ZNF384: variants seen among roughly 807,000 people sequenced by gnomAD.
ZNF384 encodes CAG repeat protein 1.
In ZNF384, 20 loss-of-function variants were observed where a neutral mutation model predicts 65.0. That is an observed-to-expected ratio of 0.31 (90% CI 0.22 to 0.45). The LOEUF (loss-of-function observed/expected upper bound fraction) is 0.45, where lower values mean the gene tolerates loss of function less well. ZNF384 is among the 20% of genes least tolerant of loss of function. The pLI is 1.00. For synonymous variants in ZNF384, 310 were observed against 303.9 expected (o/e 1.02, Z -0.21); for missense variants, 549 against 769.4 (o/e 0.71, Z 3.39).
rs181645911 is a variant in ZNF384 at position 6,688,552 on chromosome 12, G to A, written c.-65-326C>T. The A allele has an allele frequency of 1.4e-3, 212 of 152,748 alleles. 1 individual carries two copies. The highest frequency in any genetic ancestry group is 3.1e-3 in the Admixed American group (48 of 15,306). 9.5% of individuals were successfully genotyped at this position (152,748 alleles called of 1,614,324 possible). On this transcript the variant is annotated intron_variant, in intron 1 of 11. Coordinates refer to ENST00000683879, the MANE Select transcript of ZNF384 (RefSeq NM_001385745.1). Reference sequence around the variant, plus strand: ...GAGAACATTAGAGATGGAGGAGGAGGAGGGTCTGTGCCCCTGAGGAGTGGC... The same window carrying A: ...GAGAACATTAGAGATGGAGGAGGAGAAGGGTCTGTGCCCCTGAGGAGTGGC...
chr12:6,686,192 G>T (rs1957851986), intron 2 of ZNF384, among the ~76,000 whole-genome samples: 1 of 152,122 alleles, frequency 6.6e-6, no homozygotes, highest in African/African-American at 2.4e-5. Flanking sequence ...CCAACCCTTA[G>T]AAAACCATGA....
rs774061942 is a variant in ZNF384 at position 6,667,829 on chromosome 12, G to A, written c.1712C>T (p.Pro571Leu). The A allele has an allele frequency of 1.2e-6, 2 of 1,614,218 alleles. No individual in the cohort carries two copies. The highest frequency in any genetic ancestry group is 1.1e-5 in the South Asian group (1 of 91,086). The change falls in exon 12 of 12, where the codon CCT (proline) becomes CTT (leucine). Residue 571 changes from proline to leucine, a missense_variant. By Grantham distance (98) the Pro-to-Leu change is moderately conservative (BLOSUM62 -3). Coordinates refer to ENST00000683879, the MANE Select transcript of ZNF384 (RefSeq NM_001385745.1). Reference sequence around the variant, plus strand: ...CAGGTCAAAGGAACACTGGGGTGGAGGGTTGGGATTGCTGTCCCCACCACC... The same window carrying A: ...CAGGTCAAAGGAACACTGGGGTGGAAGGTTGGGATTGCTGTCCCCACCACC... ...GGGGGDSNPNPPPQCSFDLTP... is the reference protein window; with the variant it reads ...GGGGGDSNPNLPPQCSFDLTP...
At position 6,679,064 on chromosome 12, in the gene ZNF384, G is replaced by A. The variant is rs750347644; in HGVS notation, c.186C>T (p.Pro62=). ...LLTVPASVSL[P]SGISMDTESK... The stretch of plus-strand genomic sequence containing the variant: ...ACTCTGTGTCCATACTGATGCCTGA[G>A]GGCAGGGACACTGAGGCAGGCACTG... The change falls in exon 4 of 12, where the codon CCC becomes CCT. Residue 62 remains proline, a synonymous_variant. Coordinates refer to ENST00000683879, the MANE Select transcript of ZNF384 (RefSeq NM_001385745.1). 5.6e-6 allele frequency: 9 copies of A among 1,614,034 alleles called. No individual in the cohort carries two copies.
In ZNF384 at chr12:6,667,398, T is replaced by C; in HGVS notation, c.*316A>G. The C allele has an allele frequency of 2.0e-6, 1 of 498,374 alleles. No homozygotes were observed. The highest frequency in any genetic ancestry group is 3.7e-6 in the Non-Finnish European group (1 of 272,646). 30.9% of individuals were successfully genotyped at this position (498,374 alleles called of 1,614,324 possible). A position where few individuals can be genotyped will look rare whatever the true frequency, so the allele number is the denominator to read the frequency against. ...GTAAGGATAGGGTAAGTGGCCACAC[T>C]GGACAAGGTTCTATGAGGTCATAGC... On this transcript the variant is annotated 3_prime_UTR_variant, in exon 12 of 12. Transcript: ENST00000683879.
rs1308336410 is a variant in ZNF384 at position 6,667,504 on chromosome 12, A to G, written c.*210T>C. 1.4e-6 allele frequency: 1 copy of G among 706,566 alleles called. No individual in the cohort carries two copies. The highest frequency in any genetic ancestry group is 2.2e-5 in the Admixed American group (1 of 45,314). The allele number at this position is 706,566 out of a possible 1,614,324, so 43.8% of individuals were successfully genotyped here. A position where few individuals can be genotyped will look rare whatever the true frequency, so the allele number is the denominator to read the frequency against. On this transcript the variant is annotated 3_prime_UTR_variant, in exon 12 of 12. Coordinates refer to ENST00000683879, the MANE Select transcript of ZNF384 (RefSeq NM_001385745.1). ...GGCTGCTGGATGACACCATCAGCTCAGTATTCCTTTGCAATCAGGAGGGCT... is the reference window on the plus strand; with the variant it reads ...GGCTGCTGGATGACACCATCAGCTCGGTATTCCTTTGCAATCAGGAGGGCT...
chr12:6,680,277 A>G (rs547366645), intron 2 of ZNF384, among the ~76,000 whole-genome samples: 1 of 152,272 alleles, frequency 6.6e-6, no homozygotes, highest in African/African-American at 2.4e-5. Context: ...TAAAAATTTC[A>G]AGAGTTCCAA....
chr12:6,675,997 C>A (rs1050322063), intron 7 of ZNF384, among the ~76,000 whole-genome samples: 2 of 152,118 alleles, frequency 1.3e-5, no homozygotes, highest in African/African-American at 4.8e-5. Flanking sequence ...CAGAAATTCA[C>A]TGTGATAAAA....
intron 2 of ZNF384, among the ~76,000 whole-genome samples, chr12:6,685,034 A>C (rs1044162401): frequency 4.6e-5 from 7 of 152,230 alleles, no homozygotes; most frequent in African/African-American, 1.4e-4. Flanking sequence ...CTACACAGAG[A>C]GTGCCAATTT....
intron 11 of ZNF384, 52 bp from the exon 12 acceptor site, chr12:6,668,167 T>C (rs1487232019): frequency 6.7e-7 from 1 of 1,494,772 alleles, no homozygotes; most frequent in African/African-American, 1.4e-5. Flanking sequence ...GGAAAAGAGA[T>C]TACTTGTAAC....
At chr12:6,671,283 GAA>G (rs2136517621) in intron 9 of ZNF384, 1 of 165,616 alleles carries the variant, frequency 6.0e-6, no homozygotes, top group East Asian at 1.8e-4. Context: ...TGGTAACAAA[GAA>G]AAGCAGTTAC....
chr12:6,683,296 A>T lies in ZNF384; in HGVS notation c.-5-3771T>A, dbSNP rs367749358. On this transcript the variant is annotated intron_variant, in intron 2 of 11. Transcript: ENST00000683879. The stretch of plus-strand genomic sequence containing the variant: ...ACAGAGCAAGACTGTCTCAAAAAAA[A>T]AATAAAATAAAATAAAAAAGATTAA... Among the ~76,000 whole-genome samples the T allele has an allele frequency of 1.3e-4, 20 of 152,058 alleles. No homozygotes were observed. In the East Asian group the frequency reaches 3.9e-3, roughly 29 times the overall value.
At chr12:6,681,015 G>A (rs1033500112) in intron 2 of ZNF384, among the ~76,000 whole-genome samples, 14 of 152,126 alleles carry the variant, frequency 9.2e-5, no homozygotes, top group South Asian at 6.2e-4. Context: ...TCAGGAGCTC[G>A]AGACCAGCCT....
chr12:6,672,453 A>G lies in ZNF384; in HGVS notation c.1084T>C (p.Tyr362His), dbSNP rs1951861050. The G allele has an allele frequency of 6.2e-7, 1 of 1,614,012 alleles. No homozygotes were observed. The highest frequency in any genetic ancestry group is 8.5e-7 in the Non-Finnish European group (1 of 1,179,994). ...TGGATACGGAGGTGCTGGGCCAGGT[A>G]GGAGGTGTTGGCGAAGGTCTTGGAG... ...HCSKTFANTSYLAQHLRIHSG... is the reference protein window; with the variant it reads ...HCSKTFANTSHLAQHLRIHSG... The change falls in exon 9 of 12, where the codon TAC becomes CAC. Residue 362 changes from tyrosine to histidine, a missense_variant. Around this residue, in one of 5 missense-constraint regions of ZNF384, gnomAD observed 59 missense variants for 63.6 expected, o/e 0.93. Coordinates refer to ENST00000683879, the MANE Select transcript of ZNF384 (RefSeq NM_001385745.1). The surrounding 1 kb of genome is among the most constrained non-coding windows in gnomAD (Gnocchi z 4.4).
intron 11 of ZNF384, 147 bp from the exon 12 acceptor site, chr12:6,668,262 G>A: frequency 2.5e-6 from 2 of 784,338 alleles, no homozygotes; most frequent in South Asian, 3.8e-5. Flanking sequence ...AACTCAAGTA[G>A]CACTTTCAGT....
At chr12:6,681,989 A>G (rs1018877974) in intron 2 of ZNF384, among the ~76,000 whole-genome samples, 18 of 152,108 alleles carry the variant, frequency 1.2e-4, no homozygotes, top group Non-Finnish European at 2.5e-4. Flanking sequence ...TTCCAGCCAT[A>G]GCTTTACAAA....
At chr12:6,677,369 T>A in intron 6 of ZNF384, 110 bp from the exon 7 acceptor site, 1 of 1,162,264 alleles carries the variant, frequency 8.6e-7, no homozygotes, top group Admixed American at 3.7e-5. Flanking sequence ...GTGACAGTAG[T>A]TATCCCACTC....
intron 9 of ZNF384, chr12:6,671,846 T>C (rs1225774740): frequency 6.5e-6 from 1 of 153,650 alleles, no homozygotes; most frequent in African/African-American, 2.4e-5. Flanking sequence ...ATTTAGTACG[T>C]GTTTTCTTTT....
chr12:6,678,396 G>C lies in ZNF384; in HGVS notation c.417C>G (p.Thr139=), dbSNP rs762791571. Residue 139 remains threonine (T), a synonymous_variant, in exon 6 of 12, where the codon ACC becomes ACG. Transcript: ENST00000683879. This position sits in a 1 kb window ranked among gnomAD's most constrained non-coding sequence, Gnocchi z 4.9. ...CAATCATGGGAGCCGAAATGGGGAAGGTCTGAGCTGATGATGCTGTGGTCA... is the reference window on the plus strand; with the variant it reads ...CAATCATGGGAGCCGAAATGGGGAACGTCTGAGCTGATGATGCTGTGGTCA... ...SLVTTASSAQ[T]FPISAPMIVS... 1 of 1,611,318 alleles carries C rather than the reference G, an allele frequency of 6.2e-7. No individual in the cohort carries two copies. The highest frequency in any genetic ancestry group is 1.1e-5 in the South Asian group (1 of 90,760).
At chr12:6,677,475 C>T (rs538134661) in intron 6 of ZNF384, among the ~76,000 whole-genome samples, 8 of 152,276 alleles carry the variant, frequency 5.3e-5, no homozygotes, top group African/African-American at 1.7e-4. Context: ...AGGGAGTTTA[C>T]TTATGTAATT....
Sources: allele counts gnomAD v4.1 joint callset (sites outside exome capture counted in the v4.1 genomes callset), GRCh38; gene constraint gnomAD v4.1.1; regional missense constraint gnomAD v4.1.1; non-coding constraint Gnocchi (gnomAD v3.1); transcripts MANE v1.5; gene names NCBI Gene and HGNC (gene_info 2026-07-23, HGNC 2026-07-21).